The following TPST2 variants were observed in gnomAD, a reference collection of about 807,000 sequenced individuals.
The protein encoded by TPST2 is protein-tyrosine sulfotransferase 2.
Under a neutral mutation model 27.8 loss-of-function variants are expected in TPST2, and 16 were observed. That is an observed-to-expected ratio of 0.58 (90% CI 0.39 to 0.88). The LOEUF is 0.88. Ranked by LOEUF, TPST2 falls within the 40% of genes least tolerant of loss-of-function variation. The probability of loss-of-function intolerance (pLI) is 0.00; values close to 1 mark genes in which losing one functional copy is unlikely to be tolerated. For missense variants in TPST2, 464 were observed against 543.1 expected (o/e 0.85, Z 1.45); for synonymous variants, 229 against 231.7 (o/e 0.99, Z 0.10).
intron 1 of TPST2, chr22:26,560,528 G>A (rs1927033225): frequency 2.4e-6 from 2 of 831,920 alleles, no homozygotes; most frequent in Non-Finnish European, 4.1e-6. Context: ...AACTAAACAT[G>A]AGCAAAGGAG....
chr22:26,540,983 C>T lies in TPST2; in HGVS notation c.648G>A (p.Lys216=), dbSNP rs1273420534. 1 of 1,614,214 alleles carries T rather than the reference C, an allele frequency of 6.2e-7. No homozygotes were observed. The change falls in exon 3 of 7, where the codon AAG becomes AAA. Residue 216 remains lysine (K), a synonymous_variant. Transcript: ENST00000338754. Reference sequence around the variant, plus strand: ...ACTGGGCGTACATCACCTCGATGGCCTTGTTCCACTTGGTGAGGCAGTCAC... The same window carrying T: ...ACTGGGCGTACATCACCTCGATGGCTTTGTTCCACTTGGTGAGGCAGTCAC... The part of the protein sequence containing the change: ...SYRDCLTKWN[K]AIEVMYAQCM...
At chr22:26,549,441 G>A (rs895887529) in intron 1 of TPST2, among the ~76,000 whole-genome samples, 11 of 152,078 alleles carry the variant, frequency 7.2e-5, no homozygotes, top group East Asian at 1.9e-4. Context: ...GACAGATCAC[G>A]AGGTTAGGAG....
At chr22:26,569,055 G>C (rs777783834) in intron 1 of TPST2, among the ~76,000 whole-genome samples, 2 of 151,932 alleles carry the variant, frequency 1.3e-5, no homozygotes, top group Non-Finnish European at 2.9e-5. Flanking sequence ...AGTAGAGACG[G>C]GCTTTCACTG....
chr22:26,557,321 C>T (rs926713815), intron 1 of TPST2, among the ~76,000 whole-genome samples: 2 of 152,228 alleles, frequency 1.3e-5, no homozygotes, highest in Non-Finnish European at 2.9e-5. Flanking sequence ...CTACCCCAGA[C>T]CCTTGGCAGC....
chr22:26,586,379 A>C (rs1928349635), intron 1 of TPST2, among the ~76,000 whole-genome samples: 1 of 152,064 alleles, frequency 6.6e-6, no homozygotes, highest in African/African-American at 2.4e-5. Context: ...CCTCCCGGCT[A>C]TCTGGGAATA....
At chr22:26,572,309 T>C (rs953209914) in intron 1 of TPST2, among the ~76,000 whole-genome samples, 1 of 152,168 alleles carries the variant, frequency 6.6e-6, no homozygotes, top group African/African-American at 2.4e-5. Context: ...GGTATAGGGC[T>C]GGAGGTGTGG....
At chr22:26,570,094 G>C (rs2147230475) in intron 1 of TPST2, among the ~76,000 whole-genome samples, 1 of 150,368 alleles carries the variant, frequency 6.7e-6, no homozygotes, top group Non-Finnish European at 1.5e-5. Flanking sequence ...AAAAGAAAGA[G>C]AGAAAAAAAT....
At chr22:26,536,828 G>A (rs1925499964) in intron 3 of TPST2, among the ~76,000 whole-genome samples, 1 of 152,182 alleles carries the variant, frequency 6.6e-6, no homozygotes, top group South Asian at 2.1e-4. Flanking sequence ...GAAAGCCAAG[G>A]CAGAAGGATC....
rs1423239859 is a variant in TPST2 at position 26,522,067 on chromosome 22, C to A, written c.*4208G>T. The A allele has an allele frequency of 6.6e-6, 1 of 152,130 alleles. No individual in the cohort carries two copies. The highest frequency in any genetic ancestry group is 2.4e-5 in the African/African-American group (1 of 41,418). The allele number at this position is 152,130 out of a possible 1,614,324, so 9.4% of individuals were successfully genotyped here. On this transcript the variant is annotated 3_prime_UTR_variant, in exon 7 of 7. Coordinates refer to ENST00000338754, the MANE Select transcript of TPST2 (RefSeq NM_003595.5). ...ATAGCTACCATGTATTAAGCCTTCA[C>A]CATGGGGCTGTTAAGTCTTCATTGC...
chr22:26,584,429 C>T (rs889866127), intron 1 of TPST2, among the ~76,000 whole-genome samples: 1 of 152,162 alleles, frequency 6.6e-6, no homozygotes, highest in Non-Finnish European at 1.5e-5. Flanking sequence ...TATAACAACA[C>T]CTGATGTTTT....
chr22:26,562,851 G>A (rs1322830312), intron 1 of TPST2, among the ~76,000 whole-genome samples: 1 of 152,046 alleles, frequency 6.6e-6, no homozygotes, highest in African/African-American at 2.4e-5. Context: ...TCAAACTCTC[G>A]ACCTCAAGTG....
intron 1 of TPST2, among the ~76,000 whole-genome samples, chr22:26,582,964 AG>A (rs1928173675): frequency 6.6e-6 from 1 of 151,968 alleles, no homozygotes; most frequent in Admixed American, 6.6e-5. Flanking sequence ...CTCCCCACAC[AG>A]GGAGTATGCA....
chr22:26,562,402 C>T (rs1927150879), intron 1 of TPST2, among the ~76,000 whole-genome samples: 1 of 152,152 alleles, frequency 6.6e-6, no homozygotes, highest in South Asian at 2.1e-4. Context: ...TTCACTAAAC[C>T]CTCACAGCTC....
At chr22:26,565,146 G>C (rs1418283199) in intron 1 of TPST2, 1 of 152,430 alleles carries the variant, frequency 6.6e-6, no homozygotes, top group Non-Finnish European at 1.5e-5. Flanking sequence ...CCCAGAGAGG[G>C]AAAGCCACTT....
chr22:26,563,402 C>T (rs950840646), intron 1 of TPST2, among the ~76,000 whole-genome samples: 9 of 149,530 alleles, frequency 6.0e-5, no homozygotes, highest in South Asian at 4.3e-4. Context: ...GATCTCAGCT[C>T]ACTGCAAGCT....
At chr22:26,531,255 T>C (rs1011312) in intron 5 of TPST2, among the ~76,000 whole-genome samples, 142,803 of 152,280 alleles carry the variant, frequency 0.94, 67,049 homozygotes, top group East Asian at 1. Flanking sequence ...TTCTGGATGT[T>C]GTAAAAACTG....
At chr22:26,571,956 T>C (rs1420981983) in intron 1 of TPST2, among the ~76,000 whole-genome samples, 1 of 152,174 alleles carries the variant, frequency 6.6e-6, no homozygotes, top group Admixed American at 6.5e-5. Context: ...TGTCCCCATA[T>C]GGTGGCATGT....
At position 26,523,244 on chromosome 22, in the gene TPST2, TA is replaced by T. The variant is rs1262342150; in HGVS notation, c.*3030del. ...CAATCTGTTAAATTACATTTTGGAATAACCTATTCAAAATGGTTTTTTCCAT... is the reference window on the plus strand; with the variant it reads ...CAATCTGTTAAATTACATTTTGGAATACCTATTCAAAATGGTTTTTTCCAT... On this transcript the variant is annotated 3_prime_UTR_variant, in exon 7 of 7. Coordinates refer to ENST00000338754, the MANE Select transcript of TPST2 (RefSeq NM_003595.5). The T allele has an allele frequency of 3.9e-5, 6 of 152,376 alleles. No homozygotes were observed. Among genetic ancestry groups the T allele is most frequent in the South Asian group, 2.1e-4 (1 of 4,826 alleles). The allele number at this position is 152,376 out of a possible 1,614,324, so 9.4% of individuals were successfully genotyped here. A position where few individuals can be genotyped will look rare whatever the true frequency, so the allele number is the denominator to read the frequency against.
At chr22:26,583,436 CAAAAAAAA>C (rs775047318) in intron 1 of TPST2, among the ~76,000 whole-genome samples, 3 of 63,648 alleles carry the variant, frequency 4.7e-5, no homozygotes, top group Admixed American at 4.1e-4. Flanking sequence ...AACTCCATCT[CAAAAAAAA>C]AAAAAAAAAA....
Sources: gnomAD v4.1 joint callset for allele counts (sites outside exome capture counted in the v4.1 genomes callset) on GRCh38, gnomAD v4.1.1 for gene constraint, MANE v1.5 for transcripts, NCBI Gene and HGNC (gene_info 2026-07-23, HGNC 2026-07-21) for gene names.